Variants in ARFIP1 observed in about 807,000 individuals in gnomAD.
ARFIP1 encodes the protein ARF interacting protein 1, also known as arfaptin-1.
Under a neutral mutation model 42.5 loss-of-function variants are expected in ARFIP1, and 24 were observed. The ratio of observed to expected loss-of-function variants is 0.57; its 90% CI spans 0.41 to 0.80. The LOEUF (loss-of-function observed/expected upper bound fraction) is 0.80, where lower values mean the gene tolerates loss of function less well. Ranked by LOEUF, ARFIP1 falls within the 30% of genes least tolerant of loss-of-function variation. The pLI is 0.00. For missense variants in ARFIP1, 354 were observed against 434.0 expected, an observed-to-expected ratio of 0.82 and a Z score of 1.64; for synonymous variants, 141 against 153.7, an observed-to-expected ratio of 0.92 and a Z score of 0.61.
intron 8 of ARFIP1, 72 bp from the exon 9 acceptor site, chr4:152,909,992 T>C: frequency 6.6e-7 from 1 of 1,516,184 alleles, no homozygotes; most frequent in Non-Finnish European, 9.0e-7. Flanking sequence ...AATTAAGGAA[T>C]GTAATAAATC....
chr4:152,845,939 A>G (rs995809534), intron 2 of ARFIP1, among the ~76,000 whole-genome samples: 10 of 152,356 alleles, frequency 6.6e-5, no homozygotes, highest in South Asian at 2.1e-4. Context: ...CATACAATCA[A>G]TCTAGGTACC....
intron 3 of ARFIP1, among the ~76,000 whole-genome samples, chr4:152,866,148 T>C (rs1187081844): frequency 6.6e-6 from 1 of 152,038 alleles, no homozygotes; most frequent in Non-Finnish European, 1.5e-5. Context: ...TAACCCTGAG[T>C]GGACACAGCA....
chr4:152,827,679 G>T (rs1730949633), intron 1 of ARFIP1, among the ~76,000 whole-genome samples: 1 of 151,964 alleles, frequency 6.6e-6, no homozygotes, highest in Non-Finnish European at 1.5e-5. Context: ...TTCAAATTGG[G>T]TTTTTTGTTT....
At chr4:152,909,585 A>C (rs562411254) in intron 8 of ARFIP1, among the ~76,000 whole-genome samples, 1 of 152,204 alleles carries the variant, frequency 6.6e-6, no homozygotes, top group Non-Finnish European at 1.5e-5. Flanking sequence ...TTTCTGAGCA[A>C]CACTTGCTAC....
intron 1 of ARFIP1, among the ~76,000 whole-genome samples, chr4:152,797,905 C>T (rs1731565145): frequency 6.6e-6 from 1 of 152,024 alleles, no homozygotes; most frequent in South Asian, 2.1e-4. Flanking sequence ...CCTATTATTC[C>T]TCTGATTGAT....
intron 2 of ARFIP1, among the ~76,000 whole-genome samples, chr4:152,831,231 T>C (rs1001637617): frequency 9.2e-5 from 14 of 152,232 alleles, no homozygotes; most frequent in Admixed American, 3.9e-4. Context: ...AACAGCTCTT[T>C]TTGCAAACTT....
intron 1 of ARFIP1, among the ~76,000 whole-genome samples, chr4:152,780,660 C>A (rs1363485982): frequency 6.6e-6 from 1 of 152,136 alleles, no homozygotes; most frequent in Non-Finnish European, 1.5e-5. Flanking sequence ...TAGTGACAGT[C>A]CCTCTGAGAG....
intron 2 of ARFIP1, among the ~76,000 whole-genome samples, chr4:152,830,377 T>C (rs1731168608): frequency 6.6e-6 from 1 of 152,204 alleles, no homozygotes; most frequent in South Asian, 2.1e-4. Flanking sequence ...AAGATATTAA[T>C]ATTAAATGAG....
intron 1 of ARFIP1, chr4:152,809,980 CAT>C (rs1729320432): frequency 6.6e-6 from 1 of 152,164 alleles, no homozygotes; most frequent in African/African-American, 2.4e-5. Context: ...AAAAAAGGCA[CAT>C]GATTTGATTG....
chr4:152,809,045 C>T (rs535595670), intron 1 of ARFIP1, among the ~76,000 whole-genome samples: 8 of 151,604 alleles, frequency 5.3e-5, no homozygotes, highest in Middle Eastern at 6.8e-3. Context: ...GAGGAAGACC[C>T]GTCTCAAAAA....
intron 1 of ARFIP1, among the ~76,000 whole-genome samples, chr4:152,789,369 C>T (rs1000923683): frequency 2.6e-5 from 4 of 152,028 alleles, no homozygotes; most frequent in African/African-American, 4.8e-5. Context: ...GGATTACAGG[C>T]GTGAGCCACT....
intron 1 of ARFIP1, among the ~76,000 whole-genome samples, chr4:152,810,875 G>A (rs186967296): frequency 8.2e-4 from 124 of 152,108 alleles, no homozygotes; most frequent in Non-Finnish European, 9.9e-4. Flanking sequence ...GTGCTGCTGC[G>A]TATCTCTTTC....
rs186384501 is a variant in ARFIP1 at position 152,911,609 on chromosome 4, T to C, written c.*1390T>C. The C allele has an allele frequency of 9.8e-5, 15 of 152,796 alleles. No individual in the cohort carries two copies. The highest frequency in any genetic ancestry group is 9.1e-4 in the Admixed American group (14 of 15,304). The allele number at this position is 152,796 out of a possible 1,614,324, so 9.5% of individuals were successfully genotyped here. A position where few individuals can be genotyped will look rare whatever the true frequency, so the allele number is the denominator to read the frequency against. On this transcript the variant is annotated 3_prime_UTR_variant, in exon 9 of 9. Transcript: ENST00000353617. Reference sequence around the variant, plus strand: ...CCCTCACCTGTTCATTTCTTCTGTGTTGAAATGAAGTACTTAAAATTACCG... The same window carrying C: ...CCCTCACCTGTTCATTTCTTCTGTGCTGAAATGAAGTACTTAAAATTACCG...
chr4:152,902,845 C>T (rs1009700292), intron 8 of ARFIP1, among the ~76,000 whole-genome samples: 8 of 152,114 alleles, frequency 5.3e-5, no homozygotes, highest in African/African-American at 1.7e-4. Context: ...TTTGAGAAAC[C>T]AGAATCTTTC....
intron 1 of ARFIP1, among the ~76,000 whole-genome samples, chr4:152,816,815 C>A (rs1213004987): frequency 6.6e-6 from 1 of 152,206 alleles, no homozygotes; most frequent in African/African-American, 2.4e-5. Flanking sequence ...GCTTTACTTG[C>A]AGTTTCTAGA....
At chr4:152,832,472 TG>T (rs1018223599) in intron 2 of ARFIP1, among the ~76,000 whole-genome samples, 1 of 152,242 alleles carries the variant, frequency 6.6e-6, no homozygotes, top group African/African-American at 2.4e-5. Context: ...TTATATATTC[TG>T]GGTATATGCC....
At chr4:152,907,002 G>A (rs573139802) in intron 8 of ARFIP1, among the ~76,000 whole-genome samples, 1 of 152,198 alleles carries the variant, frequency 6.6e-6, no homozygotes, top group African/African-American at 2.4e-5. Flanking sequence ...CTCTCACCCA[G>A]ACATACATCT....
At chr4:152,837,560 G>A (rs904749924) in intron 2 of ARFIP1, among the ~76,000 whole-genome samples, 1 of 152,046 alleles carries the variant, frequency 6.6e-6, no homozygotes, top group African/African-American at 2.4e-5. Flanking sequence ...ATGTTTGTTG[G>A]CCATTTGTAT....
At chr4:152,801,246 G>A (rs1728397970) in intron 1 of ARFIP1, among the ~76,000 whole-genome samples, 1 of 152,194 alleles carries the variant, frequency 6.6e-6, no homozygotes, top group Non-Finnish European at 1.5e-5. Flanking sequence ...GTCAATGGTA[G>A]CCCTTCTGAG....
Sources: allele counts gnomAD v4.1 joint callset (sites outside exome capture counted in the v4.1 genomes callset), GRCh38; gene constraint gnomAD v4.1.1; transcripts MANE v1.5; gene names NCBI Gene and HGNC (gene_info 2026-07-23, HGNC 2026-07-21).